MAPK8: variants seen among roughly 807,000 people sequenced by gnomAD.
The protein encoded by MAPK8 is JUN N-terminal kinase.
MAPK8 carries 13 observed loss-of-function variants against 52.9 expected under a neutral mutation model. That is an observed-to-expected ratio of 0.25 (90% CI 0.16 to 0.39). The LOEUF (loss-of-function observed/expected upper bound fraction) is 0.39. Ranked by LOEUF, MAPK8 falls within the 10% of genes least tolerant of loss-of-function variation. MAPK8 has a pLI of 1.00. For synonymous variants in MAPK8, 191 were observed against 169.8 expected (o/e 1.12, Z -0.97); for missense variants, 300 against 519.2 (o/e 0.58, Z 4.10).
At chr10:48,425,596 CATT>C (rs1293003750) in intron 7 of MAPK8, 3 of 330,206 alleles carry the variant, frequency 9.1e-6, no homozygotes, top group South Asian at 2.0e-4. Flanking sequence ...TAGTAATTGT[CATT>C]ATTCTTAGTT....
In MAPK8 at chr10:48,388,231, G is replaced by A. The variant is rs900457063; in HGVS notation, c.-49-13381G>A. Among the ~76,000 whole-genome samples the A allele has an allele frequency of 3.9e-5, 6 of 152,264 alleles. No homozygotes were observed. The East Asian group carries it at 5.8e-4, about 15-fold the overall frequency. ...TTTGTTGTGGGAATTTCAGGAGCTC[G>A]TTAGCCTCACCTTTCTGTGAGATAG... On this transcript the variant is annotated intron_variant, in intron 1 of 11. Transcript: ENST00000374189.
At chr10:48,309,280 A>G (rs761440632) in intron 1 of MAPK8, among the ~76,000 whole-genome samples, 3 of 152,246 alleles carry the variant, frequency 2.0e-5, no homozygotes, top group Non-Finnish European at 4.4e-5. Flanking sequence ...ACCATCACTA[A>G]TTCCAGAACA....
At chr10:48,374,604 A>G (rs780199437) in intron 1 of MAPK8, among the ~76,000 whole-genome samples, 31 of 152,212 alleles carry the variant, frequency 2.0e-4, no homozygotes, top group Non-Finnish European at 2.9e-4. Context: ...AGAATACTAT[A>G]AACACCTCTA....
chr10:48,382,160 T>C (rs902422453), intron 1 of MAPK8, among the ~76,000 whole-genome samples: 1 of 152,032 alleles, frequency 6.6e-6, no homozygotes, highest in Non-Finnish European at 1.5e-5. Flanking sequence ...ATCAAACATA[T>C]CACAGAAGCA....
chr10:48,325,018 C>G (rs1025290992), intron 1 of MAPK8, among the ~76,000 whole-genome samples: 1 of 151,776 alleles, frequency 6.6e-6, no homozygotes, highest in African/African-American at 2.4e-5. Context: ...CTCTGTCACC[C>G]AGGCTGGAGT....
Position 48,438,565 on chromosome 10 carries a change from A to G in MAPK8, c.*3536A>G, listed in dbSNP as rs974646963. On this transcript the variant is annotated 3_prime_UTR_variant, in exon 12 of 12. Transcript: ENST00000374189. ...AACTTTTGAGAAATATTACCTGTGG[A>G]TTAATTTTGCACAATGTTCTATTCT... is the stretch of plus-strand genomic sequence containing the variant. The G allele has an allele frequency of 2.0e-5, 3 of 152,330 alleles. No homozygotes were observed. Among genetic ancestry groups the G allele is most frequent in the South Asian group, 2.1e-4 (1 of 4,828 alleles). 9.4% of individuals were successfully genotyped at this position (152,330 alleles called of 1,614,324 possible).
intron 6 of MAPK8, among the ~76,000 whole-genome samples, chr10:48,421,680 C>T (rs1420785926): frequency 1.3e-5 from 2 of 152,102 alleles, no homozygotes; most frequent in Non-Finnish European, 2.9e-5. Context: ...TGGTGCACAC[C>T]TGTAATCCCA....
At position 48,389,510 on chromosome 10, in the gene MAPK8, C is replaced by T. The variant is rs568849521; in HGVS notation, c.-49-12102C>T. Among the ~76,000 whole-genome samples the T allele has an allele frequency of 3.9e-5, 6 of 152,232 alleles. No homozygotes were observed. In the South Asian group the frequency reaches 1.0e-3, roughly 26 times the overall value. ...TCAAGGCTAATGGCTTATGAAGTGG[C>T]CTGGTATGAAAACTGCATAAACAGC... On this transcript the variant is annotated intron_variant, in intron 1 of 11. Coordinates refer to ENST00000374189, the MANE Select transcript of MAPK8 (RefSeq NM_001323329.2).
chr10:48,348,477 A>C (rs1041991802), intron 1 of MAPK8, among the ~76,000 whole-genome samples: 3 of 152,102 alleles, frequency 2.0e-5, no homozygotes, highest in Non-Finnish European at 4.4e-5. Context: ...CTATGTCCTC[A>C]ATGGTATTGC....
At chr10:48,345,016 T>C (rs1238439066) in intron 1 of MAPK8, among the ~76,000 whole-genome samples, 1 of 152,164 alleles carries the variant, frequency 6.6e-6, no homozygotes, top group Non-Finnish European at 1.5e-5. Context: ...AATCCGTGAA[T>C]GCTTGAAAAA....
intron 1 of MAPK8, among the ~76,000 whole-genome samples, chr10:48,317,040 G>C (rs1842569494): frequency 6.6e-6 from 1 of 152,086 alleles, no homozygotes; most frequent in South Asian, 2.1e-4. Context: ...CTACAAGGTG[G>C]GCACTGTTAC....
chr10:48,389,651 C>A (rs2041516173), intron 1 of MAPK8, among the ~76,000 whole-genome samples: 2 of 152,198 alleles, frequency 1.3e-5, no homozygotes, highest in African/African-American at 4.8e-5. Context: ...TTCACTTGTT[C>A]ATTGGTTCAT....
chr10:48,324,448 C>G (rs757480727), intron 1 of MAPK8, among the ~76,000 whole-genome samples: 1 of 147,040 alleles, frequency 6.8e-6, no homozygotes, highest in Non-Finnish European at 1.5e-5. Context: ...AGTTTATGAA[C>G]CACATTTGAT....
chr10:48,401,858 T>C (rs763263540), intron 2 of MAPK8, 76 bp downstream of exon 2: 9 of 1,178,820 alleles, frequency 7.6e-6, no homozygotes, highest in Admixed American at 2.9e-5. Flanking sequence ...TTAGATACCT[T>C]GGCAAATATT....
In MAPK8 at chr10:48,420,366, T is replaced by C. The variant is rs1589253536; in HGVS notation, c.616+46T>C. ...GAAATATTTTTCTGATTTAGCTTTT[T>C]TCTTTATTCAGTAGATTTTTAATGT... On this transcript the variant is annotated intron_variant, in intron 6 of 11. Transcript: ENST00000374189. 6.7e-6 allele frequency: 10 copies of C among 1,484,430 alleles called. No homozygotes were observed. The East Asian group carries it at 2.3e-4, about 34-fold the overall frequency. The allele number at this position is 1,484,430 out of a possible 1,614,324, so 92.0% of individuals were successfully genotyped here. A position where few individuals can be genotyped will look rare whatever the true frequency, so the allele number is the denominator to read the frequency against.
intron 1 of MAPK8, among the ~76,000 whole-genome samples, chr10:48,382,823 C>T (rs2041081121): frequency 6.9e-6 from 1 of 145,314 alleles, no homozygotes; most frequent in African/African-American, 2.5e-5. Flanking sequence ...ATATATGACT[C>T]AGGCTAGCTA....
chr10:48,366,874 CT>C (rs1304037440), intron 1 of MAPK8, among the ~76,000 whole-genome samples: 1 of 151,368 alleles, frequency 6.6e-6, no homozygotes, highest in African/African-American at 2.4e-5. Context: ...TAGTAGCTGG[CT>C]TTTAAAAAAA....
chr10:48,373,571 CAAAAAAAAA>C (rs539162576), intron 1 of MAPK8, among the ~76,000 whole-genome samples: 1,922 of 16,814 alleles, frequency 0.11, 46 homozygotes, highest in African/African-American at 0.28. Flanking sequence ...AAATTGAAAG[CAAAAAAAAA>C]AAAAAAAAAA....
intron 1 of MAPK8, among the ~76,000 whole-genome samples, chr10:48,347,043 G>C (rs916425592): frequency 6.6e-6 from 1 of 152,144 alleles, no homozygotes; most frequent in African/African-American, 2.4e-5. Context: ...GGTCCCCCGG[G>C]CCCAGCTGCT....
Sources: gnomAD v4.1 joint callset for allele counts (sites outside exome capture counted in the v4.1 genomes callset) on GRCh38, gnomAD v4.1.1 for gene constraint, MANE v1.5 for transcripts, NCBI Gene and HGNC (gene_info 2026-07-23, HGNC 2026-07-21) for gene names.